Variants in LMF1 observed in about 807,000 individuals in gnomAD.
LMF1 encodes lipase maturation factor 1, also known as transmembrane protein 112.
LMF1 carries 68 observed loss-of-function variants against 60.6 expected under a neutral mutation model. The observed-to-expected ratio is 1.12, with a 90% confidence interval of 0.92 to 1.37. The LOEUF (loss-of-function observed/expected upper bound fraction) is 1.37, where lower values mean the gene tolerates loss of function less well. Among genes scored for constraint, LMF1 ranks in the 40% most tolerant of loss-of-function variants. The pLI is 0.00. For synonymous variants in LMF1, 418 were observed against 324.7 expected (o/e 1.29, Z -3.09); for missense variants, 948 against 767.2 (o/e 1.24, Z -2.78).
At chr16:942,340 G>A (rs180916212) in intron 2 of LMF1, among the ~76,000 whole-genome samples, 4 of 152,274 alleles carry the variant, frequency 2.6e-5, no homozygotes, top group African/African-American at 4.8e-5. Flanking sequence ...TTTGGTATTC[G>A]GTAGTTTGAC....
In LMF1 at chr16:861,418, C is replaced by T. The variant is rs188504649; in HGVS notation, c.1530-6712G>A. Among the ~76,000 whole-genome samples the T allele has an allele frequency of 2.2e-4, 32 of 144,566 alleles. No individual in the cohort carries two copies. The East Asian group carries it at 2.3e-3, about 10-fold the overall frequency. The allele number at this position is 144,566 out of a possible 152,430, so 94.8% of individuals were successfully genotyped here. Reference sequence around the variant, plus strand: ...TGTCGCCCAGGCTGGAGTGCAGTGACGCAATCTCAGCTCACTGTAACCTCT... The same window carrying T: ...TGTCGCCCAGGCTGGAGTGCAGTGATGCAATCTCAGCTCACTGTAACCTCT... On this transcript the variant is annotated intron_variant, in intron 10 of 10. Transcript: ENST00000262301.
Position 879,756 on chromosome 16 carries a change from C to A in LMF1, c.730-19G>T, listed in dbSNP as rs1023395890. The A allele has an allele frequency of 6.4e-7, 1 of 1,561,354 alleles. No individual in the cohort carries two copies. The highest frequency in any genetic ancestry group is 8.7e-7 in the Non-Finnish European group (1 of 1,152,038). On this transcript the variant is annotated intron_variant, in intron 5 of 10. Coordinates refer to ENST00000262301, the MANE Select transcript of LMF1 (RefSeq NM_022773.4). ...GCTGGGTCTGCAGGGACAGGAGGGGCCGTGAGGTGCCTGGCCGATCTCGGG... is the reference window on the plus strand; with the variant it reads ...GCTGGGTCTGCAGGGACAGGAGGGGACGTGAGGTGCCTGGCCGATCTCGGG...
intron 10 of LMF1, among the ~76,000 whole-genome samples, chr16:866,424 T>C (rs1213130215): frequency 6.6e-6 from 1 of 151,942 alleles, no homozygotes; most frequent in Non-Finnish European, 1.5e-5. Flanking sequence ...GGCTGGGTGG[T>C]GGTGAAGGTC....
intron 3 of LMF1, among the ~76,000 whole-genome samples, chr16:923,284 G>A (rs2071495737): frequency 6.6e-6 from 1 of 152,186 alleles, no homozygotes; most frequent in Non-Finnish European, 1.5e-5. Flanking sequence ...CTGGCACGGT[G>A]CACTGTGGCC....
upstream of LMF1, chr16:981,347 A>AGAGAGAGG (rs1302286541): frequency 1.1e-5 from 1 of 94,616 alleles, no homozygotes; most frequent in Non-Finnish European, 1.9e-5. Flanking sequence ...AGAGAGAGAG[A>AGAGAGAGG]GTGTGTGTGT....
Position 923,549 on chromosome 16 carries a change from T to C in LMF1, c.514+10695A>G, listed in dbSNP as rs138553292. On this transcript the variant is annotated intron_variant, in intron 3 of 10. Coordinates refer to ENST00000262301, the MANE Select transcript of LMF1 (RefSeq NM_022773.4). ...CAGCTTGAGCCCAGTAGGTTGAGACTAGCCTGAGCAACAGAGCAAGATCCC... is the reference window on the plus strand; with the variant it reads ...CAGCTTGAGCCCAGTAGGTTGAGACCAGCCTGAGCAACAGAGCAAGATCCC... Among the ~76,000 whole-genome samples the C allele has an allele frequency of 2.0e-5, 3 of 152,282 alleles. No homozygotes were observed. In the East Asian group the frequency reaches 5.8e-4, roughly 29 times the overall value.
At chr16:859,981 G>C (rs2069405348) in intron 10 of LMF1, among the ~76,000 whole-genome samples, 1 of 151,034 alleles carries the variant, frequency 6.6e-6, no homozygotes, top group South Asian at 2.1e-4. Flanking sequence ...TGGGTGTGCA[G>C]TGGTGTTATG....
intron 1 of LMF1, among the ~76,000 whole-genome samples, chr16:966,652 T>C (rs554042658): frequency 6.6e-6 from 1 of 152,318 alleles, no homozygotes; most frequent in Admixed American, 6.5e-5. Context: ...CCCAGGCGGG[T>C]GTGTCCTTGG....
rs1167928854 is a variant in LMF1, at chr16:970,832, C to A, written c.149G>T (p.Trp50Leu). The change falls in exon 1 of 11, where the codon TGG becomes TTG. Residue 50 changes from tryptophan (W) to leucine (L), a missense_variant. Physicochemically the swap from Trp to Leu is moderately conservative, Grantham distance 61 (BLOSUM62 -2). Transcript: ENST00000262301. ...CTTCAGGAGCACGATCCGGGTCAGCCAGAAGGTGCCCGTGTGGAGATGGGC... is the reference window on the plus strand; with the variant it reads ...CTTCAGGAGCACGATCCGGGTCAGCAAGAAGGTGCCCGTGTGGAGATGGGC... ...SPAHLHTGTF[W>L]LTRIVLLKAL... is the part of the protein sequence containing the mutation. 1 of 1,549,602 alleles carries A rather than the reference C, an allele frequency of 6.5e-7. No individual in the cohort carries two copies. Among genetic ancestry groups the A allele is most frequent in the Non-Finnish European group, 8.7e-7 (1 of 1,148,054 alleles).
At chr16:945,702 A>G (rs908676554) in intron 2 of LMF1, among the ~76,000 whole-genome samples, 1 of 152,230 alleles carries the variant, frequency 6.6e-6, no homozygotes, top group African/African-American at 2.4e-5. Context: ...GGAGAAGTAG[A>G]AGGCATTGGC....
intron 5 of LMF1, among the ~76,000 whole-genome samples, chr16:888,844 A>T (rs1417707997): frequency 6.6e-6 from 1 of 152,208 alleles, no homozygotes; most frequent in East Asian, 1.9e-4. Flanking sequence ...AGGGATGCAC[A>T]GGTGGGCAGC....
rs190614328 is a variant in LMF1 at position 948,057 on chromosome 16, C to T, written c.503+6300G>A. Among the ~76,000 whole-genome samples the T allele has an allele frequency of 1.6e-3, 236 of 148,710 alleles. 3 individuals are homozygous for T. Among genetic ancestry groups the T allele is most frequent in the African/African-American group, 5.7e-3 (228 of 40,086 alleles). On this transcript the variant is annotated intron_variant, in intron 2 of 10. Transcript: ENST00000262301. ...CGACAGAGTCAGCCAATGACAGAGT[C>T]AGCCAACGACAGACTTAGAGACAAC...
Position 879,625 on chromosome 16 carries a change from A to C in LMF1, c.842T>G (p.Leu281Arg), listed in dbSNP as rs1300612063. 6.2e-7 allele frequency: 1 copy of C among 1,613,528 alleles called. No homozygotes were observed. The highest frequency in any genetic ancestry group is 2.2e-5 in the East Asian group (1 of 44,866). The change falls in exon 6 of 11, where the codon CTC becomes CGC. Residue 281 changes from leucine (L) to arginine (R), a missense_variant. Physicochemically the swap from Leu to Arg is moderately radical, Grantham distance 102. Transcript: ENST00000262301. Reference protein sequence around the residue: ...HFIELLVPFFLFLGRRACIIH... With the variant: ...HFIELLVPFFRFLGRRACIIH... ...GATGCACGCCCGCCGGCCGAGGAAG[A>C]GGAAGAAGGGCACCAGGAGCTCGAT...
In LMF1 at chr16:854,069, G is replaced by A. The variant is rs1188688715; in HGVS notation, c.*463C>T. The A allele has an allele frequency of 6.6e-6, 3 of 456,068 alleles. No homozygotes were observed. The highest frequency in any genetic ancestry group is 1.3e-5 in the Non-Finnish European group (3 of 228,208). 28.3% of individuals were successfully genotyped at this position (456,068 alleles called of 1,614,324 possible). ...GGGTTTGGCTGCCCCAGACGTGACA[G>A]GGACTTGGCTCTGAGGGTCAGGACC... is the stretch of plus-strand genomic sequence containing the variant. On this transcript the variant is annotated 3_prime_UTR_variant, in exon 11 of 11. Coordinates refer to ENST00000262301, the MANE Select transcript of LMF1 (RefSeq NM_022773.4).
chr16:914,529 ACTCC>A (rs2071217636), intron 3 of LMF1, among the ~76,000 whole-genome samples: 1 of 130,680 alleles, frequency 7.7e-6, no homozygotes, highest in Non-Finnish European at 1.6e-5. Context: ...TTGGTGACAC[ACTCC>A]CTCCCTCCTT....
At chr16:946,082 A>C (rs1185696848) in intron 2 of LMF1, among the ~76,000 whole-genome samples, 1 of 152,262 alleles carries the variant, frequency 6.6e-6, no homozygotes, top group African/African-American at 2.4e-5. Context: ...AATGGTGGAC[A>C]CAGAGTTCAC....
At chr16:884,549 G>C (rs2070252254) in intron 5 of LMF1, among the ~76,000 whole-genome samples, 1 of 152,248 alleles carries the variant, frequency 6.6e-6, no homozygotes, top group Admixed American at 6.5e-5. Context: ...TAGAAGAAAT[G>C]TCAAGTCTGT....
At chr16:929,203 T>C (rs1359747138) in intron 3 of LMF1, among the ~76,000 whole-genome samples, 1 of 152,204 alleles carries the variant, frequency 6.6e-6, no homozygotes, top group Non-Finnish European at 1.5e-5. Flanking sequence ...CCAGAAGCAC[T>C]GGGGACCGGC....
At chr16:935,825 A>C (rs1372670226) in intron 2 of LMF1, among the ~76,000 whole-genome samples, 1 of 152,194 alleles carries the variant, frequency 6.6e-6, no homozygotes, top group Admixed American at 6.5e-5. Flanking sequence ...CGACCTTTGA[A>C]TATGTCTGTG....
Sources: gnomAD v4.1 joint callset for allele counts (sites outside exome capture counted in the v4.1 genomes callset) on GRCh38, gnomAD v4.1.1 for gene constraint, MANE v1.5 for transcripts, NCBI Gene and HGNC (gene_info 2026-07-23, HGNC 2026-07-21) for gene names.